PTPRT: variants seen among roughly 807,000 people sequenced by gnomAD.
PTPRT encodes protein tyrosine phosphatase receptor type T.
PTPRT carries 56 observed loss-of-function variants against 176.8 expected under a neutral mutation model. The ratio of observed to expected loss-of-function variants is 0.32; its 90% confidence interval spans 0.26 to 0.40. The LOEUF (loss-of-function observed/expected upper bound fraction) is 0.40, where lower values mean the gene tolerates loss of function less well. PTPRT is among the 10% of genes least tolerant of loss of function. PTPRT has a pLI of 1.00. For missense variants in PTPRT, 1,540 were observed against 1,908.2 expected, an observed-to-expected ratio of 0.81 and a Z score of 3.60; for synonymous variants, 783 against 739.0, an observed-to-expected ratio of 1.06 and a Z score of -0.96.
chr20:42,979,118 T>C (rs149096122), intron 1 of PTPRT, among the ~76,000 whole-genome samples: 1 of 152,316 alleles, frequency 6.6e-6, no homozygotes, highest in East Asian at 1.9e-4. Flanking sequence ...ATGGTACCTT[T>C]ATTCTTTTTA....
chr20:42,234,933 C>T (rs766239370), intron 15 of PTPRT, among the ~76,000 whole-genome samples: 1 of 152,184 alleles, frequency 6.6e-6, no homozygotes, highest in Admixed American at 6.5e-5. Flanking sequence ...GCAGGTAATG[C>T]TATTAGGCAC....
At chr20:42,630,934 G>A (rs1318817948) in intron 7 of PTPRT, among the ~76,000 whole-genome samples, 2 of 152,096 alleles carry the variant, frequency 1.3e-5, no homozygotes, top group Non-Finnish European at 2.9e-5. Flanking sequence ...CTACCATGGT[G>A]AGTGGTACCA....
intron 18 of PTPRT, among the ~76,000 whole-genome samples, chr20:42,129,928 G>A (rs1489352419): frequency 6.6e-6 from 1 of 152,194 alleles, no homozygotes; most frequent in African/African-American, 2.4e-5. Context: ...AGTAGTACAT[G>A]GAAAAGGTAT....
intron 1 of PTPRT, among the ~76,000 whole-genome samples, chr20:42,985,841 T>A (rs980430059): frequency 6.6e-6 from 1 of 151,978 alleles, no homozygotes; most frequent in South Asian, 2.1e-4. Flanking sequence ...GATGCAGGTA[T>A]CAACAGCAGC....
intron 1 of PTPRT, among the ~76,000 whole-genome samples, chr20:42,905,505 G>A (rs2079463319): frequency 6.6e-6 from 1 of 152,204 alleles, no homozygotes; most frequent in Non-Finnish European, 1.5e-5. Flanking sequence ...GGAAGACAGT[G>A]TGGCGATTCC....
chr20:42,956,506 G>A (rs1016470176), intron 1 of PTPRT, among the ~76,000 whole-genome samples: 2 of 152,092 alleles, frequency 1.3e-5, no homozygotes, highest in African/African-American at 4.8e-5. Context: ...AGCTTCCTGA[G>A]GCCTCCCCAG....
chr20:42,621,253 A>C (rs2145857671), intron 7 of PTPRT, among the ~76,000 whole-genome samples: 1 of 151,812 alleles, frequency 6.6e-6, no homozygotes, highest in South Asian at 2.1e-4. Flanking sequence ...TGCCCACACC[A>C]ATTACCCTCT....
chr20:43,016,949 G>A (rs902601153), intron 1 of PTPRT, among the ~76,000 whole-genome samples: 7 of 152,042 alleles, frequency 4.6e-5, no homozygotes, highest in African/African-American at 1.7e-4. Context: ...CCCTTTCAGG[G>A]CAGGGACTAG....
chr20:42,983,461 C>T (rs1983390058), intron 1 of PTPRT, among the ~76,000 whole-genome samples: 1 of 152,218 alleles, frequency 6.6e-6, no homozygotes, highest in Non-Finnish European at 1.5e-5. Context: ...GGCAGAGCCA[C>T]AGTGGGAGTC....
rs1265281113 is a variant in PTPRT at position 42,999,607 on chromosome 20, G to T, written c.89-113675C>A. On this transcript the variant is annotated intron_variant, in intron 1 of 30. Coordinates refer to ENST00000373187, the MANE Select transcript of PTPRT (RefSeq NM_007050.6). ...CCAGTCTCTAAAAAAAAAACTTGTG[G>T]TTTTTTTTTTGTTGTTGTTGTTGTT... Among the ~76,000 whole-genome samples the T allele has an allele frequency of 6.5e-5, 9 of 139,482 alleles. No homozygotes were observed. In the South Asian group the frequency reaches 1.1e-3, roughly 17 times the overall value. 91.5% of individuals were successfully genotyped at this position (139,482 alleles called of 152,430 possible).
intron 12 of PTPRT, among the ~76,000 whole-genome samples, chr20:42,297,478 A>C (rs1279706231): frequency 2.6e-5 from 4 of 152,188 alleles, no homozygotes; most frequent in South Asian, 2.1e-4. Context: ...TTAATGTATA[A>C]ATTTAATGCA....
chr20:43,027,923 T>C (rs1568741196), intron 1 of PTPRT, among the ~76,000 whole-genome samples: 1 of 152,166 alleles, frequency 6.6e-6, no homozygotes, highest in East Asian at 1.9e-4. Context: ...TTCCAAAGAA[T>C]GACATGCAGC....
At chr20:42,301,536 T>C (rs548639725) in intron 12 of PTPRT, among the ~76,000 whole-genome samples, 68 of 152,292 alleles carry the variant, frequency 4.5e-4, no homozygotes, top group African/African-American at 1.6e-3. Context: ...GCTAGTAGTA[T>C]TATGTGGACA....
At chr20:43,096,888 T>C (rs144630553) in intron 1 of PTPRT, among the ~76,000 whole-genome samples, 193 of 152,202 alleles carry the variant, frequency 1.3e-3, no homozygotes, top group Middle Eastern at 0.01. Context: ...ATAAATCCAA[T>C]GGTGTGGGGT....
At chr20:43,023,024 C>T (rs1985763065) in intron 1 of PTPRT, among the ~76,000 whole-genome samples, 1 of 152,346 alleles carries the variant, frequency 6.6e-6, no homozygotes, top group African/African-American at 2.4e-5. Flanking sequence ...TCCCTCCAGC[C>T]TACCAGCCTA....
At chr20:42,907,854 G>A (rs1000327170) in intron 1 of PTPRT, among the ~76,000 whole-genome samples, 1 of 150,036 alleles carries the variant, frequency 6.7e-6, no homozygotes, top group Non-Finnish European at 1.5e-5. Context: ...AGTAAGAAAT[G>A]GCAAAATGAT....
chr20:43,006,900 T>C (rs1345934073), intron 1 of PTPRT, among the ~76,000 whole-genome samples: 1 of 150,950 alleles, frequency 6.6e-6, no homozygotes, highest in African/African-American at 2.5e-5. Flanking sequence ...ATGTAGAGTC[T>C]GCACAGAAGT....
intron 2 of PTPRT, among the ~76,000 whole-genome samples, chr20:42,836,449 G>C (rs1200895039): frequency 6.6e-6 from 1 of 152,180 alleles, no homozygotes; most frequent in African/African-American, 2.4e-5. Context: ...TCCCAGATTA[G>C]AAGCTGATCC....
intron 27 of PTPRT, among the ~76,000 whole-genome samples, chr20:42,093,849 G>T (rs1984904600): frequency 6.6e-6 from 1 of 152,212 alleles, no homozygotes; most frequent in African/African-American, 2.4e-5. Flanking sequence ...CTGTGTCATT[G>T]TTTATTTTCA....
Sources: gnomAD v4.1 joint callset for allele counts (sites outside exome capture counted in the v4.1 genomes callset) on GRCh38, gnomAD v4.1.1 for gene constraint, MANE v1.5 for transcripts, NCBI Gene and HGNC (gene_info 2026-07-23, HGNC 2026-07-21) for gene names.